The following MAP2 variants were observed in gnomAD, a reference collection of about 807,000 sequenced individuals.
MAP2 encodes the protein microtubule associated protein 2.
A neutral mutation model predicts 137.6 loss-of-function variants in MAP2; 14 were observed. The ratio of observed to expected loss-of-function variants is 0.10; its 90% CI spans 0.07 to 0.16. The LOEUF (loss-of-function observed/expected upper bound fraction) is 0.16, where lower values mean the gene tolerates loss of function less well. Ranked by LOEUF, MAP2 falls within the 10% of genes least tolerant of loss-of-function variation. The pLI, the probability that MAP2 is intolerant of heterozygous loss-of-function variation, is 1.00. For missense variants in MAP2, 2,088 were observed against 2,191.5 expected, an observed-to-expected ratio of 0.95 and a Z score of 0.94; for synonymous variants, 786 against 782.3, an observed-to-expected ratio of 1.00 and a Z score of -0.08.
At chr2:209,660,634 A>G (rs1194759340) in intron 5 of MAP2, among the ~76,000 whole-genome samples, 2 of 148,328 alleles carry the variant, frequency 1.3e-5, no homozygotes, top group Non-Finnish European at 3.0e-5. Context: ...TGACCTCGTG[A>G]TCCGCCTGCC....
At chr2:209,600,231 A>T (rs1158420353) in intron 3 of MAP2, among the ~76,000 whole-genome samples, 1 of 152,236 alleles carries the variant, frequency 6.6e-6, no homozygotes, top group Non-Finnish European at 1.5e-5. Flanking sequence ...AAGCAGCAAG[A>T]TGATAGATGG....
intron 2 of MAP2, among the ~76,000 whole-genome samples, chr2:209,536,887 T>G (rs2066028107): frequency 6.6e-6 from 1 of 152,232 alleles, no homozygotes; most frequent in South Asian, 2.1e-4. Context: ...ATTTCCATCC[T>G]ATTGGGTTGC....
chr2:209,428,840 A>G (rs1693319028), intron 1 of MAP2, among the ~76,000 whole-genome samples: 2 of 152,184 alleles, frequency 1.3e-5, no homozygotes, highest in East Asian at 1.9e-4. Context: ...TTTGTATCCA[A>G]GTTTATTCAG....
chr2:209,546,555 C>G (rs979878987), intron 2 of MAP2, among the ~76,000 whole-genome samples: 1 of 152,168 alleles, frequency 6.6e-6, no homozygotes, highest in Non-Finnish European at 1.5e-5. Context: ...CTTTGAGTCC[C>G]AGTTGCCTCA....
At chr2:209,481,119 C>T (rs1346849233) in intron 1 of MAP2, among the ~76,000 whole-genome samples, 6 of 152,166 alleles carry the variant, frequency 3.9e-5, no homozygotes, top group East Asian at 1.9e-4. Context: ...ACTGAATTTC[C>T]GTGAGACTGA....
At chr2:209,475,316 G>C (rs1199858743) in intron 1 of MAP2, among the ~76,000 whole-genome samples, 1 of 151,964 alleles carries the variant, frequency 6.6e-6, no homozygotes, top group Admixed American at 6.6e-5. Context: ...ACTGTGTATA[G>C]AGTTCTCCTC....
intron 2 of MAP2, among the ~76,000 whole-genome samples, chr2:209,551,912 G>A (rs2069259201): frequency 6.6e-6 from 1 of 152,114 alleles, no homozygotes; most frequent in East Asian, 1.9e-4. Context: ...TTTACAGCTA[G>A]CAAATAACAG....
intron 1 of MAP2, among the ~76,000 whole-genome samples, chr2:209,460,289 C>T (rs879187710): frequency 2.0e-5 from 3 of 152,092 alleles, no homozygotes; most frequent in African/African-American, 4.8e-5. Context: ...TCTGACTAAC[C>T]GTGTTTACAA....
chr2:209,527,497 G>A (rs774778547), intron 2 of MAP2, among the ~76,000 whole-genome samples: 3 of 152,018 alleles, frequency 2.0e-5, no homozygotes, highest in Admixed American at 6.6e-5. Context: ...CGTGTACTCC[G>A]CCTCTCTTCT....
At chr2:209,652,190 C>T (rs2094848964) in intron 4 of MAP2, among the ~76,000 whole-genome samples, 1 of 152,142 alleles carries the variant, frequency 6.6e-6, no homozygotes, top group Admixed American at 6.5e-5. Flanking sequence ...GAAGGTCATG[C>T]AGTATCTTCC....
intron 6 of MAP2, among the ~76,000 whole-genome samples, chr2:209,680,465 T>A (rs2054068306): frequency 6.6e-6 from 1 of 152,128 alleles, no homozygotes; most frequent in South Asian, 2.1e-4. Context: ...GTAGACACAT[T>A]AATGAGATTA....
intron 11 of MAP2, among the ~76,000 whole-genome samples, chr2:209,702,038 T>C (rs1004524356): frequency 2.0e-5 from 3 of 152,158 alleles, no homozygotes; most frequent in Non-Finnish European, 4.4e-5. Context: ...GTTTAGAACA[T>C]AGCATTCATT....
intron 1 of MAP2, among the ~76,000 whole-genome samples, chr2:209,424,846 G>C (rs1051836588): frequency 3.3e-5 from 5 of 152,328 alleles, no homozygotes; most frequent in Middle Eastern, 3.4e-3. Context: ...GGTGGTGTTG[G>C]AGGGCGGGGC....
intron 1 of MAP2, among the ~76,000 whole-genome samples, chr2:209,434,874 T>TTATATATATATGTTA (rs199921912): frequency 0.018 from 1,683 of 92,966 alleles, 68 homozygotes; most frequent in East Asian, 0.064. Context: ...TATATATATG[T>TTATATATATATGTTA]TATATATATG....
At chr2:209,468,325 T>C (rs1704702071) in intron 1 of MAP2, among the ~76,000 whole-genome samples, 1 of 140,118 alleles carries the variant, frequency 7.1e-6, no homozygotes, top group African/African-American at 2.6e-5. Context: ...TTCTTTTTTT[T>C]TTTTTTTTTT....
intron 4 of MAP2, among the ~76,000 whole-genome samples, chr2:209,645,373 G>A (rs1436471476): frequency 1.3e-5 from 2 of 151,972 alleles, no homozygotes; most frequent in East Asian, 3.9e-4. Context: ...TCATTTTAAA[G>A]TTATTATTCA....
intron 3 of MAP2, among the ~76,000 whole-genome samples, chr2:209,591,694 T>C (rs558512360): frequency 6.6e-6 from 1 of 152,310 alleles, no homozygotes; most frequent in Non-Finnish European, 1.5e-5. Context: ...ATTTTGATAA[T>C]TGCTATTCCC....
intron 13 of MAP2, among the ~76,000 whole-genome samples, chr2:209,717,193 A>G (rs1268184887): frequency 6.6e-6 from 1 of 152,218 alleles, no homozygotes; most frequent in East Asian, 1.9e-4. Context: ...ACAGTTCCAC[A>G]GGCTTAACAG....
At chr2:209,697,738 C>T (rs1211280066) in intron 10 of MAP2, among the ~76,000 whole-genome samples, 1 of 152,196 alleles carries the variant, frequency 6.6e-6, no homozygotes, top group Non-Finnish European at 1.5e-5. Context: ...TGGATCCAAA[C>T]TGCTCGACTT....
Sources: allele counts gnomAD v4.1 joint callset (sites outside exome capture counted in the v4.1 genomes callset), GRCh38; gene constraint gnomAD v4.1.1; transcripts MANE v1.5; gene names NCBI Gene and HGNC (gene_info 2026-07-23, HGNC 2026-07-21).